Variants in TMEM248 observed in about 807,000 individuals in gnomAD.
TMEM248 encodes the protein transmembrane protein 248.
In TMEM248, 9 loss-of-function variants were observed where a neutral mutation model predicts 30.3. That is an observed-to-expected ratio of 0.30 (90% CI 0.18 to 0.52). The LOEUF (loss-of-function observed/expected upper bound fraction) is 0.52. Among genes scored for constraint, TMEM248 ranks in the 20% least tolerant of loss-of-function variants. TMEM248 has a pLI of 0.97. For synonymous variants in TMEM248, 184 were observed against 154.4 expected (o/e 1.19, Z -1.42); for missense variants, 338 against 403.3 (o/e 0.84, Z 1.39).
intron 1 of TMEM248, among the ~76,000 whole-genome samples, chr7:66,929,426 A>ATTTT (rs35126436): frequency 6.9e-4 from 67 of 97,676 alleles, no homozygotes; most frequent in South Asian, 5.6e-3. Flanking sequence ...TGAGAGACAA[A>ATTTT]TTTTTTTTTT....
intron 1 of TMEM248, among the ~76,000 whole-genome samples, chr7:66,932,688 G>T (rs1791699389): frequency 6.7e-6 from 1 of 150,136 alleles, no homozygotes; most frequent in Non-Finnish European, 1.5e-5. Context: ...CTAATTTGTT[G>T]TATTTTTAGT....
intron 3 of TMEM248, among the ~76,000 whole-genome samples, chr7:66,946,822 A>AATTCT (rs1299046980): frequency 6.6e-6 from 1 of 152,208 alleles, no homozygotes; most frequent in African/African-American, 2.4e-5. Flanking sequence ...GAAGGGCTAG[A>AATTCT]AGGCAGTGGA....
At chr7:66,942,589 G>A (rs1314756657) in intron 2 of TMEM248, among the ~76,000 whole-genome samples, 1 of 152,104 alleles carries the variant, frequency 6.6e-6, no homozygotes, top group Non-Finnish European at 1.5e-5. Flanking sequence ...TCCACCTCCC[G>A]GGCTCAAGCG....
chr7:66,946,548 C>G (rs911137526), intron 3 of TMEM248, among the ~76,000 whole-genome samples: 3 of 151,888 alleles, frequency 2.0e-5, no homozygotes, highest in African/African-American at 7.3e-5. Context: ...CCACTGCACT[C>G]CAGTCTAGGC....
At chr7:66,929,815 G>T (rs919026120) in intron 1 of TMEM248, among the ~76,000 whole-genome samples, 6 of 152,128 alleles carry the variant, frequency 3.9e-5, no homozygotes, top group African/African-American at 1.4e-4. Flanking sequence ...CACTTAAAAT[G>T]TGGAAACGAT....
At chr7:66,951,427 CTATTAA>C (rs1369362443) in intron 5 of TMEM248, 1 of 273,050 alleles carries the variant, frequency 3.7e-6, no homozygotes, top group Non-Finnish European at 6.8e-6. Context: ...AGGGATCCTT[CTATTAA>C]TATTATCTTA....
Position 66,956,926 on chromosome 7 carries a change from C to T in TMEM248, c.*1404C>T, listed in dbSNP as rs761659208. On this transcript the variant is annotated 3_prime_UTR_variant, in exon 7 of 7. Coordinates refer to ENST00000341567, the MANE Select transcript of TMEM248 (RefSeq NM_017994.5). ...CTAGCTTCAAATGATCCTCTCACCT[C>T]GGCCTCCCAAAATCCTGGGATTCCA... 7 of 152,448 alleles carry T rather than the reference C, an allele frequency of 4.6e-5. No homozygotes were observed. The highest frequency in any genetic ancestry group is 9.6e-5 in the African/African-American group (4 of 41,456). The allele number at this position is 152,448 out of a possible 1,614,324, so 9.4% of individuals were successfully genotyped here.
Position 66,925,196 on chromosome 7 carries a change from T to G in TMEM248, c.-19+3735T>G, listed in dbSNP as rs527971163. Among the ~76,000 whole-genome samples, 12 of 152,028 alleles carry G rather than the reference T, an allele frequency of 7.9e-5. No individual in the cohort carries two copies. The South Asian group carries it at 2.1e-3, about 26-fold the overall frequency. On this transcript the variant is annotated intron_variant, in intron 1 of 6. Coordinates refer to ENST00000341567, the MANE Select transcript of TMEM248 (RefSeq NM_017994.5). The stretch of plus-strand genomic sequence containing the variant: ...CCACCACACCTGGCTAATTTTTTGA[T>G]TTTTTGTAGAGGCAAGGTCTCACTC...
rs35126436 is a variant in TMEM248, at chr7:66,929,426, A to ATTTTTTTTTT, written c.-19+7984_-19+7993dup. Among the ~76,000 whole-genome samples, 677 of 97,660 alleles carry ATTTTTTTTTT rather than the reference A, an allele frequency of 6.9e-3. 37 individuals carry two copies. Among genetic ancestry groups the ATTTTTTTTTT allele is most frequent in the East Asian group, 0.021 (58 of 2,714 alleles). 64.1% of individuals were successfully genotyped at this position (97,660 alleles called of 152,430 possible). A position where few individuals can be genotyped will look rare whatever the true frequency, so the allele number is the denominator to read the frequency against. ...ACAATATCATGGAAATGAGAGACAAATTTTTTTTTTTTTTTTTTTTTTTTT... is the reference window on the plus strand; with the variant it reads ...ACAATATCATGGAAATGAGAGACAAATTTTTTTTTTTTTTTTTTTTTTTTTTTTTTTTTTT... On this transcript the variant is annotated intron_variant, in intron 1 of 6. Transcript: ENST00000341567.
intron 1 of TMEM248, chr7:66,921,774 G>C (rs1030697255): frequency 6.6e-6 from 1 of 152,232 alleles, no homozygotes; most frequent in African/African-American, 2.4e-5. Context: ...GAAACATCTT[G>C]GTCGTTTGCC....
rs1792396285 is a variant in TMEM248 at position 66,956,068 on chromosome 7, C to T, written c.*546C>T. 1 of 152,574 alleles carries T rather than the reference C, an allele frequency of 6.6e-6. No homozygotes were observed. The highest frequency in any genetic ancestry group is 1.5e-5 in the Non-Finnish European group (1 of 68,140). 9.5% of individuals were successfully genotyped at this position (152,574 alleles called of 1,614,324 possible). ...TCCATTTTGCTTGCAGGAAACATACCTTAAGTTTTTTTTGTTTTGTTTTTG... is the reference window on the plus strand; with the variant it reads ...TCCATTTTGCTTGCAGGAAACATACTTTAAGTTTTTTTTGTTTTGTTTTTG... On this transcript the variant is annotated 3_prime_UTR_variant, in exon 7 of 7. Transcript: ENST00000341567.
chr7:66,930,539 A>C (rs1030160971), intron 1 of TMEM248: 22 of 152,364 alleles, frequency 1.4e-4, no homozygotes, highest in African/African-American at 4.6e-4. Context: ...CTTTGGACTT[A>C]GCAGCCCAGA....
chr7:66,948,502 C>T (rs1041987193), intron 3 of TMEM248, 42 bp from the exon 4 acceptor site: 22 of 1,590,542 alleles, frequency 1.4e-5, no homozygotes, highest in Non-Finnish European at 1.7e-5. Flanking sequence ...ATGACAAGTA[C>T]GTGGTTCTTG....
At chr7:66,940,953 T>C (rs193291945) in intron 1 of TMEM248, among the ~76,000 whole-genome samples, 1 of 152,296 alleles carries the variant, frequency 6.6e-6, no homozygotes, top group Non-Finnish European at 1.5e-5. Context: ...TATTATAGAA[T>C]ATTTAGAAGA....
intron 3 of TMEM248, among the ~76,000 whole-genome samples, chr7:66,947,665 G>A (rs1018860566): frequency 2.6e-5 from 4 of 152,090 alleles, no homozygotes; most frequent in Non-Finnish European, 4.4e-5. Context: ...GCCTCCCAAA[G>A]TGCTGGGATT....
intron 6 of TMEM248, among the ~76,000 whole-genome samples, chr7:66,953,906 C>T (rs1246913506): frequency 2.2e-5 from 3 of 137,782 alleles, no homozygotes; most frequent in African/African-American, 8.1e-5. Flanking sequence ...GTGCCCAGCT[C>T]ATCCTCTGTA....
chr7:66,944,907 A>G, intron 2 of TMEM248, 69 bp from the exon 3 acceptor site: 3 of 1,544,372 alleles, frequency 1.9e-6, no homozygotes, highest in Non-Finnish European at 2.7e-6. Context: ...CTGGGGTCTT[A>G]CCTGTATTCC....
At chr7:66,921,880 A>G (rs1029128111) in intron 1 of TMEM248, 1 of 152,296 alleles carries the variant, frequency 6.6e-6, no homozygotes. Context: ...TACGTCCACA[A>G]AGTTAAATGG....
At chr7:66,923,432 T>G (rs927502804) in intron 1 of TMEM248, among the ~76,000 whole-genome samples, 8 of 152,150 alleles carry the variant, frequency 5.3e-5, no homozygotes, top group African/African-American at 1.9e-4. Context: ...GTGAGCCACC[T>G]TGCTCAGCCC....
Sources: allele counts gnomAD v4.1 joint callset (sites outside exome capture counted in the v4.1 genomes callset), GRCh38; gene constraint gnomAD v4.1.1; transcripts MANE v1.5; gene names NCBI Gene and HGNC (gene_info 2026-07-23, HGNC 2026-07-21).